PPP2CB: variants seen among roughly 807,000 people sequenced by gnomAD.
PPP2CB encodes the protein serine/threonine-protein phosphatase 2A catalytic subunit beta isoform.
PPP2CB carries 18 observed loss-of-function variants against 39.1 expected under a neutral mutation model. That is an observed-to-expected ratio of 0.46 (90% CI 0.32 to 0.68). The LOEUF is 0.68. Among genes scored for constraint, PPP2CB ranks in the 30% least tolerant of loss-of-function variants. The probability of loss-of-function intolerance (pLI) is 0.04; values close to 1 mark genes in which losing one functional copy is unlikely to be tolerated. For missense variants in PPP2CB, 226 were observed against 396.9 expected (o/e 0.57, Z 3.66); for synonymous variants, 129 against 133.8 (o/e 0.96, Z 0.25).
At chr8:30,786,793 A>G (rs1251976692) in intron 6 of PPP2CB, among the ~76,000 whole-genome samples, 1 of 150,766 alleles carries the variant, frequency 6.6e-6, no homozygotes, top group Non-Finnish European at 1.5e-5. Context: ...CCTCCTGAGT[A>G]GCTGGGACTA....
chr8:30,785,951 T>C lies in PPP2CB; in HGVS notation c.*284A>G. Reference sequence around the variant, plus strand: ...GCGCAAAAGGAGATGAAGCAGTTAGTTACCTTTTTTGCTTGAACAGTCCAA... The same window carrying C: ...GCGCAAAAGGAGATGAAGCAGTTAGCTACCTTTTTTGCTTGAACAGTCCAA... On this transcript the variant is annotated 3_prime_UTR_variant, in exon 7 of 7. Transcript: ENST00000221138. The C allele has an allele frequency of 1.8e-6, 1 of 560,804 alleles. No homozygotes were observed. Among genetic ancestry groups the C allele is most frequent in the Non-Finnish European group, 3.4e-6 (1 of 297,026 alleles). The allele number at this position is 560,804 out of a possible 1,614,324, so 34.7% of individuals were successfully genotyped here.
chr8:30,789,660 G>T (rs1806399350), intron 6 of PPP2CB, among the ~76,000 whole-genome samples: 1 of 152,160 alleles, frequency 6.6e-6, no homozygotes, highest in Non-Finnish European at 1.5e-5. Context: ...GACTACCTAG[G>T]AGGTGCTCCT....
In PPP2CB at chr8:30,793,899, T is replaced by C. The variant is rs768341650; in HGVS notation, c.738+18A>G. 10 of 1,597,660 alleles carry C rather than the reference T, an allele frequency of 6.3e-6. No individual in the cohort carries two copies. The Admixed American group carries it at 1.8e-4, about 28-fold the overall frequency. ...TACTAATCTGAAATAAAGATCATTC[T>C]GTCAGGAAAGTACATACCTCCATTA... On this transcript the variant is annotated intron_variant, in intron 5 of 6. Transcript: ENST00000221138.
chr8:30,801,517 G>C (rs925484959), intron 1 of PPP2CB, among the ~76,000 whole-genome samples: 4 of 147,216 alleles, frequency 2.7e-5, no homozygotes, highest in Non-Finnish European at 4.4e-5. Context: ...CTGGGCGACA[G>C]AGCAAAACTC....
intron 1 of PPP2CB, among the ~76,000 whole-genome samples, chr8:30,805,578 A>G (rs1806709001): frequency 6.6e-6 from 1 of 152,146 alleles, no homozygotes; most frequent in Non-Finnish European, 1.5e-5. Context: ...ACAAAAAAAA[A>G]GAGATTTTGA....
intron 3 of PPP2CB, among the ~76,000 whole-genome samples, chr8:30,794,720 A>T: frequency 6.6e-6 from 1 of 152,150 alleles, no homozygotes; most frequent in Non-Finnish European, 1.5e-5. Context: ...CTCCTGCCTC[A>T]GCCTCCTGGG....
At chr8:30,798,462 T>C (rs1479712073) in intron 2 of PPP2CB, among the ~76,000 whole-genome samples, 1 of 152,238 alleles carries the variant, frequency 6.6e-6, no homozygotes, top group Non-Finnish European at 1.5e-5. Context: ...AGATGCCAGA[T>C]CTACACAAGT....
chr8:30,792,161 A>G (rs1333790974), intron 5 of PPP2CB, among the ~76,000 whole-genome samples: 1 of 151,448 alleles, frequency 6.6e-6, no homozygotes, highest in African/African-American at 2.4e-5. Context: ...GGTTCAAGCA[A>G]TTCTCCTGCC....
intron 1 of PPP2CB, among the ~76,000 whole-genome samples, chr8:30,801,866 A>T (rs958234932): frequency 6.6e-6 from 1 of 151,944 alleles, no homozygotes; most frequent in Admixed American, 6.6e-5. Flanking sequence ...CCCAGCCCAG[A>T]CTCTTAATTT....
At chr8:30,811,467 C>T (rs1417562072) in intron 1 of PPP2CB, among the ~76,000 whole-genome samples, 1 of 151,656 alleles carries the variant, frequency 6.6e-6, no homozygotes, top group African/African-American at 2.4e-5. Context: ...ACGCCTACCT[C>T]TCCGCAAACA....
chr8:30,807,934 T>C (rs1456239887), intron 1 of PPP2CB, among the ~76,000 whole-genome samples: 1 of 152,196 alleles, frequency 6.6e-6, no homozygotes, highest in Non-Finnish European at 1.5e-5. Flanking sequence ...TGCAAACAAT[T>C]TTTCACTAGG....
At chr8:30,801,419 C>G (rs1201588593) in intron 1 of PPP2CB, among the ~76,000 whole-genome samples, 1 of 152,002 alleles carries the variant, frequency 6.6e-6, no homozygotes, top group African/African-American at 2.4e-5. Flanking sequence ...GTAGCCCCAG[C>G]TACTCAGGAG....
chr8:30,795,112 GATT>G (rs1367605040), intron 3 of PPP2CB, among the ~76,000 whole-genome samples: 11 of 147,116 alleles, frequency 7.5e-5, no homozygotes, highest in Non-Finnish European at 1.6e-4. Flanking sequence ...TTTTCTTTCT[GATT>G]TTGATTTTTT....
At chr8:30,812,099 G>A (rs1410675310) in intron 1 of PPP2CB, among the ~76,000 whole-genome samples, 3 of 152,046 alleles carry the variant, frequency 2.0e-5, no homozygotes, top group East Asian at 3.9e-4. Flanking sequence ...AGCCGGCCGG[G>A]GGCGTGAGGC....
In PPP2CB at chr8:30,794,253, G is replaced by A; in HGVS notation, c.515C>T (p.Pro172Leu). Residue 172 changes from proline to leucine, a missense_variant, in exon 4 of 7, where the codon CCA becomes CTA. Pro to Leu is a moderately conservative substitution (Grantham distance 98). Transcript: ENST00000221138. ...QIFCLHGGLS[P>L]SIDTLDHIRA... ...TATATGATCCAGTGTGTCTATGGAT[G>A]GAGAGAGGCCACCATGGAGGCAGAA... 1 of 1,613,744 alleles carries A rather than the reference G, an allele frequency of 6.2e-7. No homozygotes were observed. Among genetic ancestry groups the A allele is most frequent in the Non-Finnish European group, 8.5e-7 (1 of 1,179,668 alleles).
chr8:30,802,478 G>T (rs2128762018), intron 1 of PPP2CB, among the ~76,000 whole-genome samples: 1 of 152,104 alleles, frequency 6.6e-6, no homozygotes, highest in South Asian at 2.1e-4. Flanking sequence ...CCTTTCTGAG[G>T]TGCTTGCACA....
chr8:30,809,009 C>T (rs1433104374), intron 1 of PPP2CB, among the ~76,000 whole-genome samples: 1 of 146,152 alleles, frequency 6.8e-6, no homozygotes, highest in African/African-American at 2.6e-5. Context: ...ACTGTAACCT[C>T]TGCCTCCTAG....
intron 1 of PPP2CB, among the ~76,000 whole-genome samples, chr8:30,803,379 C>CA (rs1374980469): frequency 6.6e-6 from 1 of 151,668 alleles, no homozygotes; most frequent in African/African-American, 2.4e-5. Flanking sequence ...CCTGTCTCTA[C>CA]AAAAAAATGA....
chr8:30,802,807 A>C (rs1806648441), intron 1 of PPP2CB, among the ~76,000 whole-genome samples: 1 of 152,232 alleles, frequency 6.6e-6, no homozygotes, highest in South Asian at 2.1e-4. Context: ...GATACATGCT[A>C]CAATATGGAG....
Sources: allele counts gnomAD v4.1 joint callset (sites outside exome capture counted in the v4.1 genomes callset), GRCh38; gene constraint gnomAD v4.1.1; transcripts MANE v1.5; gene names NCBI Gene and HGNC (gene_info 2026-07-23, HGNC 2026-07-21).